FBXO34: variants seen among roughly 807,000 people sequenced by gnomAD.
FBXO34 encodes the protein F-box only protein 34.
Under a neutral mutation model 24.5 loss-of-function variants are expected in FBXO34, and 12 were observed. The ratio of observed to expected loss-of-function variants is 0.49; its 90% CI spans 0.31 to 0.79. FBXO34 has a LOEUF of 0.79. FBXO34 is among the 30% of genes least tolerant of loss of function. FBXO34 has a pLI of 0.04. For synonymous variants in FBXO34, 320 were observed against 311.9 expected (o/e 1.03, Z -0.27); for missense variants, 823 against 857.7 (o/e 0.96, Z 0.51).
chr14:55,377,873 T>G, the FBXO34 span: 3 of 1,607,030 alleles, frequency 1.9e-6, no homozygotes, highest in Non-Finnish European at 2.5e-6. Context: ...CCTGAGGGTA[T>G]GCAGTGGTTG....
the FBXO34 span, chr14:55,411,923 C>A: frequency 4.3e-6 from 5 of 1,149,742 alleles, no homozygotes; most frequent in Non-Finnish European, 6.1e-6. Flanking sequence ...GGGATGCCGG[C>A]GAGCCCCCGG....
chr14:55,305,816 C>T (rs374474151), intron 1 of FBXO34, among the ~76,000 whole-genome samples: 1 of 152,162 alleles, frequency 6.6e-6, no homozygotes, highest in Non-Finnish European at 1.5e-5. Context: ...CCACATTTCT[C>T]CCGGTTACTG....
intron 1 of FBXO34, among the ~76,000 whole-genome samples, chr14:55,286,206 T>A (rs1366658924): frequency 6.6e-6 from 1 of 152,244 alleles, no homozygotes; most frequent in Non-Finnish European, 1.5e-5. Flanking sequence ...TTTTAAAGGA[T>A]GTTAGACTTC....
downstream of FBXO34, among the ~76,000 whole-genome samples, chr14:55,370,689 T>G (rs1884794953): frequency 6.6e-6 from 1 of 152,048 alleles, no homozygotes; most frequent in African/African-American, 2.4e-5. Context: ...TTGCCCAGGC[T>G]GGAGTGCAGT....
chr14:55,288,068 C>G (rs1194542868), intron 1 of FBXO34, among the ~76,000 whole-genome samples: 2 of 152,196 alleles, frequency 1.3e-5, no homozygotes. Flanking sequence ...TAGGAATTCT[C>G]AACCTGTGCT....
chr14:55,422,614 G>A, the FBXO34 span, among the ~76,000 whole-genome samples: 1 of 152,192 alleles, frequency 6.6e-6, no homozygotes, highest in Non-Finnish European at 1.5e-5. Context: ...CACTTTGAGA[G>A]GCCAAGGCAG....
chr14:55,327,881 G>A lies in FBXO34; in HGVS notation c.-10-22500G>A, dbSNP rs1369416524. On this transcript the variant is annotated intron_variant, in intron 1 of 1. Coordinates refer to ENST00000313833, the MANE Select transcript of FBXO34 (RefSeq NM_017943.4). ...CCTTACCACAGATCTTAGCAACCTC[G>A]TCATATGATTTTCTTTGTTGTTGTT... Among the ~76,000 whole-genome samples, 6 of 132,688 alleles carry A rather than the reference G, an allele frequency of 4.5e-5. No individual in the cohort carries two copies. The South Asian group carries it at 7.4e-4, about 16-fold the overall frequency. The allele number at this position is 132,688 out of a possible 152,430, so 87.0% of individuals were successfully genotyped here. A position where few individuals can be genotyped will look rare whatever the true frequency, so the allele number is the denominator to read the frequency against.
chr14:55,440,791 G>A, the FBXO34 span, among the ~76,000 whole-genome samples: 9 of 152,178 alleles, frequency 5.9e-5, no homozygotes, highest in Admixed American at 4.6e-4. Flanking sequence ...TTCGATACTC[G>A]CAATGTGGTC....
the FBXO34 span, among the ~76,000 whole-genome samples, chr14:55,409,194 A>G: frequency 5.9e-5 from 9 of 152,240 alleles, no homozygotes; most frequent in African/African-American, 1.7e-4. Flanking sequence ...GCAGAGAGGA[A>G]GAGAAAAAGA....
intron 1 of FBXO34, among the ~76,000 whole-genome samples, chr14:55,319,595 G>A (rs535073946): frequency 2.6e-5 from 4 of 152,320 alleles, no homozygotes; most frequent in African/African-American, 9.6e-5. Context: ...TGAATGGGTG[G>A]CAGGAGAATT....
At chr14:55,322,370 G>T (rs1036283712) in intron 1 of FBXO34, among the ~76,000 whole-genome samples, 1 of 151,398 alleles carries the variant, frequency 6.6e-6, no homozygotes, top group African/African-American at 2.4e-5. Context: ...ACATCTTTCT[G>T]TGTATTTGCA....
the FBXO34 span, among the ~76,000 whole-genome samples, chr14:55,401,806 C>T: frequency 6.6e-6 from 1 of 152,114 alleles, no homozygotes; most frequent in African/African-American, 2.4e-5. Context: ...AGGCAGCCAC[C>T]CAGGAGCGCT....
At chr14:55,400,948 T>A in the FBXO34 span, among the ~76,000 whole-genome samples, 1 of 151,284 alleles carries the variant, frequency 6.6e-6, no homozygotes, top group African/African-American at 2.4e-5. Flanking sequence ...TAAAATAAAA[T>A]AAAATAAAAT....
the FBXO34 span, among the ~76,000 whole-genome samples, chr14:55,407,220 C>T: frequency 6.6e-6 from 1 of 152,280 alleles, no homozygotes; most frequent in Middle Eastern, 3.4e-3. Context: ...CCTCCGCCTC[C>T]CGGGTTCAGG....
Position 55,353,276 on chromosome 14 carries a change from GTT to G in FBXO34, c.*761_*762del, listed in dbSNP as rs60593247. 365 of 161,314 alleles carry G rather than the reference GTT, an allele frequency of 2.3e-3. No homozygotes were observed. The highest frequency in any genetic ancestry group is 8.2e-3 in the African/African-American group (332 of 40,442). The allele number at this position is 161,314 out of a possible 1,614,324, so 10.0% of individuals were successfully genotyped here. On this transcript the variant is annotated 3_prime_UTR_variant, in exon 2 of 2. Coordinates refer to ENST00000313833, the MANE Select transcript of FBXO34 (RefSeq NM_017943.4). Reference sequence around the variant, plus strand: ...GATAGTGTTGCGGCTATAATTTTGTGTTTTTTTTTTTTAATTGTCTAGTCTTA... The same window carrying G: ...GATAGTGTTGCGGCTATAATTTTGTGTTTTTTTTTTAATTGTCTAGTCTTA...
intron 3 of FBXO34, among the ~76,000 whole-genome samples, chr14:55,360,482 CT>C (rs1436091453): frequency 6.6e-6 from 1 of 152,184 alleles, no homozygotes; most frequent in Non-Finnish European, 1.5e-5. Context: ...ACTTTTAGTT[CT>C]CTTGCTGTTT....
intron 1 of FBXO34, among the ~76,000 whole-genome samples, chr14:55,298,219 GT>G (rs112755621): frequency 0.012 from 1,701 of 146,964 alleles, 13 homozygotes; most frequent in Middle Eastern, 0.028. Flanking sequence ...TTTTTTTTGC[GT>G]TTTTTTTTAA....
chr14:55,436,965 A>G, the FBXO34 span: 6 of 1,614,098 alleles, frequency 3.7e-6, no homozygotes, highest in East Asian at 1.3e-4. Context: ...GTATGTACAT[A>G]TCATAAGGTA....
chr14:55,306,339 A>C (rs1566548475), intron 1 of FBXO34, among the ~76,000 whole-genome samples: 1 of 152,202 alleles, frequency 6.6e-6, no homozygotes, highest in Non-Finnish European at 1.5e-5. Context: ...GGCTTCATTC[A>C]GTTTGCACTT....
Sources: allele counts gnomAD v4.1 joint callset (sites outside exome capture counted in the v4.1 genomes callset), GRCh38; gene constraint gnomAD v4.1.1; transcripts MANE v1.5; gene names NCBI Gene and HGNC (gene_info 2026-07-23, HGNC 2026-07-21).